Variants in SHC2 observed in about 807,000 individuals in gnomAD.
SHC2 encodes the protein SHC-transforming protein 2.
A neutral mutation model predicts 60.6 loss-of-function variants in SHC2; 62 were observed. That is an observed-to-expected ratio of 1.02 (90% CI 0.83 to 1.26). The LOEUF (loss-of-function observed/expected upper bound fraction) is 1.26, where lower values mean the gene tolerates loss of function less well. SHC2 is among the 50% of genes most tolerant of loss of function. SHC2 has a pLI of 0.00. For synonymous variants in SHC2, 375 were observed against 372.4 expected (o/e 1.01, Z -0.08); for missense variants, 873 against 822.2 (o/e 1.06, Z -0.76).
In SHC2 at chr19:438,881, G is replaced by A. The variant is rs760970302; in HGVS notation, c.601-44C>T. 1.7e-5 allele frequency: 27 copies of A among 1,552,166 alleles called. 1 individual carries two copies. The Admixed American group carries it at 3.3e-4, about 19-fold the overall frequency. ...ACAGCGAGGGCGGCTGTGGGTGGGGGCTGTCGAGGGGCTCCCAGGATGGCC... is the reference window on the plus strand; with the variant it reads ...ACAGCGAGGGCGGCTGTGGGTGGGGACTGTCGAGGGGCTCCCAGGATGGCC... On this transcript the variant is annotated intron_variant, in intron 3 of 12. Transcript: ENST00000264554. This position sits in a 1 kb window ranked among gnomAD's most constrained non-coding sequence, Gnocchi z 5.0.
At chr19:427,526 GGGAAGGGGAATTGCGCACGGCACA>G (rs1974449583) in intron 9 of SHC2, among the ~76,000 whole-genome samples, 1 of 148,828 alleles carries the variant, frequency 6.7e-6, no homozygotes, top group African/African-American at 2.5e-5. Context: ...GCACGGCACA[GGGAAGGGGAATTGCGCACGGCACA>G]GGGAAGGGGA....
intron 1 of SHC2, among the ~76,000 whole-genome samples, chr19:459,179 C>T (rs1223693158): frequency 6.6e-6 from 1 of 151,866 alleles, no homozygotes. Flanking sequence ...CCCTTCTCAA[C>T]TCGGTGTAGG....
In SHC2 at chr19:441,046, C is replaced by T; in HGVS notation, c.469-114G>A. On this transcript the variant is annotated intron_variant, in intron 1 of 12. Transcript: ENST00000264554. This position sits in a 1 kb window ranked among gnomAD's most constrained non-coding sequence, Gnocchi z 4.9. Reference sequence around the variant, plus strand: ...CACCCCTGGGGTCGAGCCCTTTCCTCTGTCCCTGGTGGCTCTGGGGCCGTC... The same window carrying T: ...CACCCCTGGGGTCGAGCCCTTTCCTTTGTCCCTGGTGGCTCTGGGGCCGTC... 1.3e-6 allele frequency: 2 copies of T among 1,531,046 alleles called. No homozygotes were observed. The highest frequency in any genetic ancestry group is 2.3e-5 in the East Asian group (1 of 43,746). 94.8% of individuals were successfully genotyped at this position (1,531,046 alleles called of 1,614,324 possible). A position where few individuals can be genotyped will look rare whatever the true frequency, so the allele number is the denominator to read the frequency against.
chr19:422,312 T>C lies in SHC2; in HGVS notation c.1454A>G (p.Glu485Gly). 1 of 1,611,544 alleles carries C rather than the reference T, an allele frequency of 6.2e-7. No homozygotes were observed. Among genetic ancestry groups the C allele is most frequent in the East Asian group, 2.2e-5 (1 of 44,832 alleles). ...GCTCATCCGGCCGTGGTACCAGGGCTCCTGACGCAGCTGTTCCTCCGTGGG... is the reference window on the plus strand; with the variant it reads ...GCTCATCCGGCCGTGGTACCAGGGCCCCTGACGCAGCTGTTCCTCCGTGGG... ...VAPTEEQLRQ[E>G]PWYHGRMSRR... The change falls in exon 11 of 13, where the codon GAG becomes GGG. Residue 485 changes from glutamate to glycine, a missense_variant. By Grantham distance (98) the Glu-to-Gly change is moderately conservative. Coordinates refer to ENST00000264554, the MANE Select transcript of SHC2 (RefSeq NM_012435.3). The surrounding 1 kb of genome is among the most constrained non-coding windows in gnomAD (Gnocchi z 5.0).
rs757093337 is a variant in SHC2, at chr19:434,695, G to T, written c.1110+14C>A. 24 of 1,602,634 alleles carry T rather than the reference G, an allele frequency of 1.5e-5. No homozygotes were observed. Among genetic ancestry groups the T allele is most frequent in the Non-Finnish European group, 2.0e-5 (23 of 1,175,792 alleles). On this transcript the variant is annotated intron_variant, in intron 8 of 12. Coordinates refer to ENST00000264554, the MANE Select transcript of SHC2 (RefSeq NM_012435.3). The stretch of plus-strand genomic sequence containing the variant: ...GGCATCCCTGTCCCCATCCCCCCGA[G>T]GGCAGAGGCTGACCTGGTCGAGGGC...
In SHC2 at chr19:424,266, C is replaced by T. The variant is rs779242646; in HGVS notation, c.1309+831G>A. 9.9e-5 allele frequency among the ~76,000 whole-genome samples: 15 copies of T among 152,152 alleles called. No individual in the cohort carries two copies. Among genetic ancestry groups the T allele is most frequent in the Non-Finnish European group, 1.9e-4 (13 of 68,012 alleles). On this transcript the variant is annotated intron_variant, in intron 10 of 12. Transcript: ENST00000264554. The surrounding 1 kb of genome is among the most constrained non-coding windows in gnomAD (Gnocchi z 4.5). ...GGGCTCCCTCGGGCTGGGTCATCCACGGGGAAGGAAGGAACGGGCTCACCG... is the reference window on the plus strand; with the variant it reads ...GGGCTCCCTCGGGCTGGGTCATCCATGGGGAAGGAAGGAACGGGCTCACCG...
intron 4 of SHC2, among the ~76,000 whole-genome samples, chr19:437,100 G>C (rs73507727): frequency 1.3e-5 from 2 of 152,120 alleles, no homozygotes; most frequent in African/African-American, 4.8e-5. Context: ...CCTTGTCCAC[G>C]TGCAAGGGCA....
Position 458,009 on chromosome 19 carries a change from G to A in SHC2, c.468+2520C>T, listed in dbSNP as rs907074626. On this transcript the variant is annotated intron_variant, in intron 1 of 12. Transcript: ENST00000264554. ...GGAAGCCGGTCCCGGGGAGGCAGAA[G>A]AGGGTCTTGGGGAGGCGGAAGTAGG... Among the ~76,000 whole-genome samples, 3 of 148,836 alleles carry A rather than the reference G, an allele frequency of 2.0e-5. 1 individual carries two copies. Among genetic ancestry groups the A allele is most frequent in the Non-Finnish European group, 4.5e-5 (3 of 66,964 alleles).
chr19:436,416 C>T lies in SHC2; in HGVS notation c.790G>A (p.Val264Met), dbSNP rs777061829. The T allele has an allele frequency of 1.9e-6, 3 of 1,597,064 alleles. No individual in the cohort carries two copies. The highest frequency in any genetic ancestry group is 1.7e-5 in the Admixed American group (1 of 57,512). Reference sequence around the variant, plus strand: ...ATGGGGTCCTTGGCGACGTAGGCCACGTAATCCGTCATGTCCTGGGGGCGG... The same window carrying T: ...ATGGGGTCCTTGGCGACGTAGGCCATGTAATCCGTCATGTCCTGGGGGCGG... Reference protein sequence around the residue: ...SGGDTDMTDYVAYVAKDPINQ... With the variant: ...SGGDTDMTDYMAYVAKDPINQ... The change falls in exon 6 of 13, where the codon GTG becomes ATG. Residue 264 changes from valine to methionine, a missense_variant. Coordinates refer to ENST00000264554, the MANE Select transcript of SHC2 (RefSeq NM_012435.3).
At chr19:459,771 G>C (rs1975493757) in intron 1 of SHC2, among the ~76,000 whole-genome samples, 1 of 152,224 alleles carries the variant, frequency 6.6e-6, no homozygotes, top group South Asian at 2.1e-4. Context: ...ACCGGTAGTG[G>C]CGTGCGGGAG....
At chr19:436,467 G>T in intron 5 of SHC2, 36 bp from the exon 6 acceptor site, 1 of 1,601,606 alleles carries the variant, frequency 6.2e-7, no homozygotes, top group South Asian at 1.1e-5. Flanking sequence ...ACCTGCCTGG[G>T]CCCCCCACCG....
chr19:457,587 G>GA (rs1975379438), intron 1 of SHC2, among the ~76,000 whole-genome samples: 1 of 152,272 alleles, frequency 6.6e-6, no homozygotes, highest in Admixed American at 6.5e-5. Flanking sequence ...AGCTCCTTGA[G>GA]AGCAGGAACG....
rs373903385 is a variant in SHC2, at chr19:434,773, A to G, written c.1046T>C (p.Leu349Pro). 2.8e-5 allele frequency: 45 copies of G among 1,612,836 alleles called. No individual in the cohort carries two copies. The highest frequency in any genetic ancestry group is 3.8e-5 in the Non-Finnish European group (45 of 1,179,784). Reference sequence around the variant, plus strand: ...CAGCCTGGAGTCCACTAGCCCGCCCAGCGGCGGCTCCTTCCCCGGGATGCT... The same window carrying G: ...CAGCCTGGAGTCCACTAGCCCGCCCGGCGGCGGCTCCTTCCCCGGGATGCT... ...YNSIPGKEPP[L>P]GGLVDSRLAL... Residue 349 changes from leucine (L) to proline (P), a missense_variant, in exon 8 of 13, where the codon CTG becomes CCG. Transcript: ENST00000264554.
chr19:434,726 G>A lies in SHC2; in HGVS notation c.1093C>T (p.Leu365Phe). The A allele has an allele frequency of 6.2e-7, 1 of 1,611,028 alleles. No individual in the cohort carries two copies. Among genetic ancestry groups the A allele is most frequent in the Non-Finnish European group, 8.5e-7 (1 of 1,179,220 alleles). Residue 365 changes from leucine (L) to phenylalanine (F), a missense_variant, in exon 8 of 13, where the codon CTC (leucine) becomes TTC (phenylalanine). Leu to Phe is a conservative substitution (Grantham distance 22). Transcript: ENST00000264554. ...AGGCTGACCTGGTCGAGGGCCGTGA[G>A]GGCGCAGGGCTGTGTCAGGGCCAGC... ...SRLALTQPCA[L>F]TALDQGPSPS... is the part of the protein sequence containing the mutation.
Position 440,875 on chromosome 19 carries a change from T to G in SHC2, c.526A>C (p.Thr176Pro), listed in dbSNP as rs778521581. ...TTGGAGGCTCACCTGGTCACCTGCG[T>G]GCGCGTGTTAAAGTCCAGGGAGCGC... is the stretch of plus-strand genomic sequence containing the variant. ...SMRSLDFNTR[T>P]QVTREAINRL... Residue 176 changes from threonine (T) to proline (P), a missense_variant, in exon 2 of 13, where the codon ACG becomes CCG. Coordinates refer to ENST00000264554, the MANE Select transcript of SHC2 (RefSeq NM_012435.3). The surrounding 1 kb of genome is among the most constrained non-coding windows in gnomAD (Gnocchi z 7.0). The G allele has an allele frequency of 1.9e-6, 3 of 1,612,600 alleles. No individual in the cohort carries two copies. Among genetic ancestry groups the G allele is most frequent in the Non-Finnish European group, 2.5e-6 (3 of 1,179,752 alleles).
intron 1 of SHC2, among the ~76,000 whole-genome samples, chr19:448,546 G>A (rs538368311): frequency 6.6e-6 from 1 of 152,116 alleles, no homozygotes; most frequent in Non-Finnish European, 1.5e-5. Context: ...AACTAACCAC[G>A]TCTGCAAAGG....
Position 438,892 on chromosome 19 carries a change from G to A in SHC2, c.601-55C>T, listed in dbSNP as rs571204270. On this transcript the variant is annotated intron_variant, in intron 3 of 12. Transcript: ENST00000264554. This position sits in a 1 kb window ranked among gnomAD's most constrained non-coding sequence, Gnocchi z 5.0. ...GGCTGTGGGTGGGGGCTGTCGAGGGGCTCCCAGGATGGCCGCAGCGTCCCC... is the reference window on the plus strand; with the variant it reads ...GGCTGTGGGTGGGGGCTGTCGAGGGACTCCCAGGATGGCCGCAGCGTCCCC... 1.9e-6 allele frequency: 3 copies of A among 1,552,956 alleles called. No individual in the cohort carries two copies. The South Asian group carries it at 3.6e-5, about 18-fold the overall frequency.
chr19:449,346 C>T (rs559078018), intron 1 of SHC2, among the ~76,000 whole-genome samples: 25 of 148,784 alleles, frequency 1.7e-4, no homozygotes, highest in South Asian at 8.6e-4. Context: ...TGATCCAGAG[C>T]GAGATCCTGT....
intron 1 of SHC2, among the ~76,000 whole-genome samples, chr19:444,427 GC>G (rs1382893342): frequency 6.6e-6 from 1 of 152,028 alleles, no homozygotes. Flanking sequence ...TCCCTTACCT[GC>G]CCCCTTATTA....
Sources: allele counts gnomAD v4.1 joint callset (sites outside exome capture counted in the v4.1 genomes callset), GRCh38; gene constraint gnomAD v4.1.1; non-coding constraint Gnocchi (gnomAD v3.1); transcripts MANE v1.5; gene names NCBI Gene and HGNC (gene_info 2026-07-23, HGNC 2026-07-21).